XKR6: variants seen among roughly 807,000 people sequenced by gnomAD.
The protein encoded by XKR6 is XK-related protein 6.
XKR6 carries 22 observed loss-of-function variants against 56.7 expected under a neutral mutation model. The observed-to-expected ratio is 0.39, with a 90% CI of 0.28 to 0.55. The LOEUF is 0.55. Ranked by LOEUF, XKR6 falls within the 20% of genes least tolerant of loss-of-function variation. The probability of loss-of-function intolerance (pLI) is 0.66; values close to 1 mark genes in which losing one functional copy is unlikely to be tolerated. For synonymous variants in XKR6, 524 were observed against 387.8 expected (o/e 1.35, Z -4.13); for missense variants, 852 against 889.0 (o/e 0.96, Z 0.53).
chr8:11,069,557 C>A (rs551496290), intron 1 of XKR6, among the ~76,000 whole-genome samples: 1 of 152,284 alleles, frequency 6.6e-6, no homozygotes, highest in South Asian at 2.1e-4. Context: ...GAGGCATACC[C>A]CTAACCCCAA....
At chr8:10,924,553 G>A in intron 2 of XKR6, 81 bp downstream of exon 2, 7 of 1,504,182 alleles carry the variant, frequency 4.7e-6, no homozygotes, top group Non-Finnish European at 6.3e-6. Context: ...AGCGTGCCAG[G>A]CACGAAGTGT....
chr8:11,180,159 A>C (rs1010353991), intron 1 of XKR6, among the ~76,000 whole-genome samples: 2 of 152,188 alleles, frequency 1.3e-5, no homozygotes, highest in Admixed American at 1.3e-4. Context: ...TAAAAATAAA[A>C]ATAATAAAAG....
intron 1 of XKR6, among the ~76,000 whole-genome samples, chr8:10,965,358 G>A (rs1292234776): frequency 6.6e-6 from 1 of 152,166 alleles, no homozygotes; most frequent in African/African-American, 2.4e-5. Flanking sequence ...CGAGCACCAC[G>A]GTCCCCCAGG....
At chr8:11,192,609 T>C (rs896921298) in intron 1 of XKR6, among the ~76,000 whole-genome samples, 3 of 152,080 alleles carry the variant, frequency 2.0e-5, no homozygotes, top group Non-Finnish European at 2.9e-5. Context: ...AGTGAGAATC[T>C]GTTTCTTTAG....
chr8:11,094,299 C>T (rs945496454), intron 1 of XKR6, among the ~76,000 whole-genome samples: 4 of 152,162 alleles, frequency 2.6e-5, no homozygotes, highest in Non-Finnish European at 4.4e-5. Flanking sequence ...AGCGATTCTC[C>T]TGCTGCAGCC....
chr8:11,022,579 G>A (rs1798771745), intron 1 of XKR6, among the ~76,000 whole-genome samples: 1 of 152,180 alleles, frequency 6.6e-6, no homozygotes, highest in African/African-American at 2.4e-5. Flanking sequence ...GGTGAAGCGG[G>A]CGGCAGGAGC....
intron 1 of XKR6, among the ~76,000 whole-genome samples, chr8:10,996,900 C>G (rs1434198558): frequency 6.6e-6 from 1 of 152,084 alleles, no homozygotes; most frequent in Non-Finnish European, 1.5e-5. Flanking sequence ...GCCCAGGAGT[C>G]TAGGGCTGCA....
In XKR6 at chr8:11,009,093, G is replaced by C. The variant is rs61427182; in HGVS notation, c.765-84263C>G. ...GGGTAGTCAGCAGCTGTGTGGGGAGGGGGGTGGGAGGTCCTGTTCTGGAGC... is the reference window on the plus strand; with the variant it reads ...GGGTAGTCAGCAGCTGTGTGGGGAGCGGGGTGGGAGGTCCTGTTCTGGAGC... On this transcript the variant is annotated intron_variant, in intron 1 of 2. Coordinates refer to ENST00000416569, the MANE Select transcript of XKR6 (RefSeq NM_173683.4). Among the ~76,000 whole-genome samples, 106 of 140,374 alleles carry C rather than the reference G, an allele frequency of 7.6e-4. 1 individual carries two copies. The East Asian group carries it at 0.027, about 35-fold the overall frequency. 92.1% of individuals were successfully genotyped at this position (140,374 alleles called of 152,430 possible). A position where few individuals can be genotyped will look rare whatever the true frequency, so the allele number is the denominator to read the frequency against.
chr8:11,174,025 T>C (rs907316421), intron 1 of XKR6, among the ~76,000 whole-genome samples: 7 of 152,250 alleles, frequency 4.6e-5, no homozygotes, highest in Non-Finnish European at 1.0e-4. Context: ...CTCTGACTTG[T>C]TGACAACATC....
intron 1 of XKR6, among the ~76,000 whole-genome samples, chr8:11,005,023 T>A (rs902662650): frequency 1.5e-4 from 23 of 152,142 alleles, no homozygotes; most frequent in African/African-American, 5.3e-4. Context: ...CAGAATGTGG[T>A]ACAGTCCCTC....
At chr8:11,041,039 G>A (rs943518904) in intron 1 of XKR6, among the ~76,000 whole-genome samples, 1 of 152,072 alleles carries the variant, frequency 6.6e-6, no homozygotes, top group Non-Finnish European at 1.5e-5. Flanking sequence ...TGGACCTTAT[G>A]GACAATGGCC....
chr8:10,957,158 C>A (rs113038553), intron 1 of XKR6, among the ~76,000 whole-genome samples: 1 of 152,096 alleles, frequency 6.6e-6, no homozygotes, highest in East Asian at 1.9e-4. Context: ...ACCATGTGGG[C>A]CAGGCTGGTT....
At chr8:11,196,021 ACTCT>A (rs986378233) in intron 1 of XKR6, among the ~76,000 whole-genome samples, 1 of 151,304 alleles carries the variant, frequency 6.6e-6, no homozygotes, top group Non-Finnish European at 1.5e-5. Context: ...TATAAAGTAC[ACTCT>A]CTCTCTACCC....
At chr8:11,029,858 C>T (rs1798952534) in intron 1 of XKR6, among the ~76,000 whole-genome samples, 1 of 152,124 alleles carries the variant, frequency 6.6e-6, no homozygotes, top group African/African-American at 2.4e-5. Context: ...GGGTTCTTAC[C>T]TTTCTATCCC....
At chr8:10,994,412 C>A (rs541467206) in intron 1 of XKR6, among the ~76,000 whole-genome samples, 43 of 152,330 alleles carry the variant, frequency 2.8e-4, no homozygotes, top group African/African-American at 9.6e-4. Flanking sequence ...GGGCTTAGGT[C>A]TGTGGAGTTC....
intron 1 of XKR6, among the ~76,000 whole-genome samples, chr8:11,059,516 C>G (rs973754203): frequency 2.8e-4 from 43 of 152,092 alleles, no homozygotes; most frequent in African/African-American, 9.9e-4. Flanking sequence ...GCGGGCGGCG[C>G]CGCTCCAGTG....
At chr8:11,101,820 T>C (rs1377332885) in intron 1 of XKR6, among the ~76,000 whole-genome samples, 2 of 152,088 alleles carry the variant, frequency 1.3e-5, no homozygotes, top group African/African-American at 4.8e-5. Context: ...CGGCCTGGAG[T>C]GTCCTCCTAA....
chr8:11,033,013 G>T (rs1021901231), intron 1 of XKR6, among the ~76,000 whole-genome samples: 1 of 152,154 alleles, frequency 6.6e-6, no homozygotes, highest in Non-Finnish European at 1.5e-5. Flanking sequence ...CGATGATCAG[G>T]ATGGTAAGGA....
intron 1 of XKR6, among the ~76,000 whole-genome samples, chr8:11,156,520 T>G (rs1801526461): frequency 6.6e-6 from 1 of 152,202 alleles, no homozygotes; most frequent in Non-Finnish European, 1.5e-5. Flanking sequence ...CAGTATTTTG[T>G]GTATCTTAAT....
Sources: gnomAD v4.1 joint callset for allele counts (sites outside exome capture counted in the v4.1 genomes callset) on GRCh38, gnomAD v4.1.1 for gene constraint, MANE v1.5 for transcripts, NCBI Gene and HGNC (gene_info 2026-07-23, HGNC 2026-07-21) for gene names.